Variants in ADARB2 observed in about 807,000 individuals in gnomAD.
The protein encoded by ADARB2 is adenosine deaminase RNA specific B2 (inactive).
In ADARB2, 25 loss-of-function variants were observed where a neutral mutation model predicts 62.2. That is an observed-to-expected ratio of 0.40 (90% CI 0.29 to 0.56). The LOEUF (loss-of-function observed/expected upper bound fraction) is 0.56, where lower values mean the gene tolerates loss of function less well. Ranked by LOEUF, ADARB2 falls within the 20% of genes least tolerant of loss-of-function variation. The pLI is 0.43. For missense variants in ADARB2, 1,071 were observed against 1,077.4 expected (o/e 0.99, Z 0.08); for synonymous variants, 572 against 500.8 (o/e 1.14, Z -1.90).
At chr10:1,198,702 G>A (rs1836942905) in intron 8 of ADARB2, among the ~76,000 whole-genome samples, 1 of 152,270 alleles carries the variant, frequency 6.6e-6, no homozygotes, top group South Asian at 2.1e-4. Context: ...ATGATGTCAG[G>A]TGGATCTGAA....
At chr10:1,240,941 A>G (rs1830914659) in intron 5 of ADARB2, among the ~76,000 whole-genome samples, 1 of 152,144 alleles carries the variant, frequency 6.6e-6, no homozygotes, top group South Asian at 2.1e-4. Flanking sequence ...GATGGGTTCA[A>G]CCTGTGGCTC....
At chr10:1,224,371 A>T (rs1159306509) in intron 6 of ADARB2, among the ~76,000 whole-genome samples, 1 of 152,166 alleles carries the variant, frequency 6.6e-6, no homozygotes, top group African/African-American at 2.4e-5. Context: ...CTTTTCAAAA[A>T]AACAGCTCCT....
At chr10:1,644,971 A>G (rs1343023012) in intron 1 of ADARB2, among the ~76,000 whole-genome samples, 1 of 152,256 alleles carries the variant, frequency 6.6e-6, no homozygotes, top group Non-Finnish European at 1.5e-5. Context: ...CACAAAAAAG[A>G]GGTCAAGGTA....
chr10:1,351,454 C>G (rs56316168), intron 3 of ADARB2, among the ~76,000 whole-genome samples: 34,893 of 151,332 alleles, frequency 0.23, 4,741 homozygotes, highest in Middle Eastern at 0.33. Flanking sequence ...TTAGACAATA[C>G]TCTTTTAAGT....
chr10:1,596,211 C>T (rs1240321445), intron 1 of ADARB2, among the ~76,000 whole-genome samples: 1 of 152,204 alleles, frequency 6.6e-6, no homozygotes, highest in Admixed American at 6.5e-5. Flanking sequence ...AAGTGGTACT[C>T]AATGGCAATG....
At chr10:1,463,040 G>A (rs1039284665) in intron 1 of ADARB2, among the ~76,000 whole-genome samples, 3 of 152,184 alleles carry the variant, frequency 2.0e-5, no homozygotes, top group African/African-American at 7.2e-5. Flanking sequence ...AGCTGGTGGG[G>A]CAGGTGGGAT....
intron 1 of ADARB2, among the ~76,000 whole-genome samples, chr10:1,453,462 G>C (rs778526028): frequency 6.6e-6 from 1 of 152,104 alleles, no homozygotes; most frequent in African/African-American, 2.4e-5. Context: ...AGGGTTTAAC[G>C]TCATTCCTTT....
intron 1 of ADARB2, among the ~76,000 whole-genome samples, chr10:1,509,131 C>A (rs1210348074): frequency 6.6e-6 from 1 of 152,146 alleles, no homozygotes; most frequent in East Asian, 1.9e-4. Flanking sequence ...GCCATGCCCT[C>A]GGTGATTAGC....
chr10:1,369,785 C>T (rs1350466460), intron 2 of ADARB2, among the ~76,000 whole-genome samples: 1 of 152,230 alleles, frequency 6.6e-6, no homozygotes, highest in Non-Finnish European at 1.5e-5. Flanking sequence ...GTCTCTGATC[C>T]CTAGAGCAGG....
chr10:1,288,972 A>G (rs955188113), intron 3 of ADARB2, among the ~76,000 whole-genome samples: 1 of 152,190 alleles, frequency 6.6e-6, no homozygotes, highest in African/African-American at 2.4e-5. Flanking sequence ...GACATGATGG[A>G]AGAGGGGGTC....
At chr10:1,598,717 C>T (rs188188774) in intron 1 of ADARB2, among the ~76,000 whole-genome samples, 2 of 152,186 alleles carry the variant, frequency 1.3e-5, no homozygotes, top group Non-Finnish European at 2.9e-5. Flanking sequence ...GGCGTGGGGA[C>T]ACGAAGGAGC....
At chr10:1,273,769 GC>G (rs1831287285) in intron 3 of ADARB2, among the ~76,000 whole-genome samples, 1 of 152,188 alleles carries the variant, frequency 6.6e-6, no homozygotes, top group South Asian at 2.1e-4. Flanking sequence ...GACATAAGCA[GC>G]CCCACCACAG....
intron 1 of ADARB2, among the ~76,000 whole-genome samples, chr10:1,666,892 G>A (rs1834323629): frequency 6.6e-6 from 1 of 152,198 alleles, no homozygotes; most frequent in African/African-American, 2.4e-5. Context: ...GGGTTTTGTA[G>A]ACCCATTTGC....
chr10:1,517,805 G>A (rs1424630062), intron 1 of ADARB2, among the ~76,000 whole-genome samples: 6 of 152,144 alleles, frequency 3.9e-5, no homozygotes, highest in Non-Finnish European at 8.8e-5. Flanking sequence ...CAGCTAGCCA[G>A]GAAGTTACTT....
intron 1 of ADARB2, among the ~76,000 whole-genome samples, chr10:1,689,246 T>G (rs1834637086): frequency 1.3e-5 from 2 of 152,210 alleles, no homozygotes; most frequent in Admixed American, 6.5e-5. Flanking sequence ...TTCTATCAGC[T>G]GAGGCATTTG....
At chr10:1,329,874 A>C (rs1831911959) in intron 3 of ADARB2, among the ~76,000 whole-genome samples, 1 of 148,008 alleles carries the variant, frequency 6.8e-6, no homozygotes, top group South Asian at 2.2e-4. Flanking sequence ...AAGGCTCCGG[A>C]CCAGGGGCTG....
intron 1 of ADARB2, among the ~76,000 whole-genome samples, chr10:1,505,046 A>C (rs536517530): frequency 2.6e-5 from 4 of 151,944 alleles, no homozygotes; most frequent in African/African-American, 9.7e-5. Flanking sequence ...CATGCACGAC[A>C]CACAGACACA....
chr10:1,670,636 A>T (rs1564363442), intron 1 of ADARB2, among the ~76,000 whole-genome samples: 4 of 152,302 alleles, frequency 2.6e-5, no homozygotes, highest in Admixed American at 6.5e-5. Flanking sequence ...TGGTGCCTGG[A>T]CACCTGAGTG....
At chr10:1,444,892 C>A (rs1333187276) in intron 1 of ADARB2, among the ~76,000 whole-genome samples, 2 of 150,410 alleles carry the variant, frequency 1.3e-5, no homozygotes, top group African/African-American at 2.5e-5. Flanking sequence ...TCCACCCACC[C>A]ATCCATCCAC....
Sources: gnomAD v4.1 joint callset for allele counts (sites outside exome capture counted in the v4.1 genomes callset) on GRCh38, gnomAD v4.1.1 for gene constraint, MANE v1.5 for transcripts, NCBI Gene and HGNC (gene_info 2026-07-23, HGNC 2026-07-21) for gene names.